Variants in ZNF710 observed in about 807,000 individuals in gnomAD.
ZNF710 encodes the protein zinc finger protein 710.
In ZNF710, 13 loss-of-function variants were observed where a neutral mutation model predicts 50.6. The observed-to-expected ratio is 0.26, with a 90% CI of 0.17 to 0.41. ZNF710 has a LOEUF of 0.41. Among genes scored for constraint, ZNF710 ranks in the 10% least tolerant of loss-of-function variants. ZNF710 has a pLI of 1.00. For missense variants in ZNF710, 721 were observed against 936.6 expected, an observed-to-expected ratio of 0.77 and a Z score of 3.01; for synonymous variants, 383 against 397.0, an observed-to-expected ratio of 0.96 and a Z score of 0.42.
chr15:90,030,819 A>C (rs867564959), intron 1 of ZNF710, among the ~76,000 whole-genome samples: 3 of 152,070 alleles, frequency 2.0e-5, no homozygotes, highest in Non-Finnish European at 4.4e-5. Flanking sequence ...GATCAAGACC[A>C]TCCTGGCTAA....
chr15:90,009,735 C>G (rs1475618346), intron 1 of ZNF710, among the ~76,000 whole-genome samples: 1 of 152,024 alleles, frequency 6.6e-6, no homozygotes, highest in Admixed American at 6.6e-5. Flanking sequence ...TTCTCTTTAC[C>G]CTAGGATTTC....
chr15:90,001,966 T>TGAGAGAGAGAGA (rs745830369), intron 1 of ZNF710, among the ~76,000 whole-genome samples: 23 of 96,842 alleles, frequency 2.4e-4, no homozygotes, highest in African/African-American at 9.3e-4. Flanking sequence ...AGCGCGCGAA[T>TGAGAGAGAGAGA]GAGAGAGAGA....
intron 1 of ZNF710, among the ~76,000 whole-genome samples, chr15:90,050,690 C>T (rs1899612284): frequency 6.6e-6 from 1 of 152,110 alleles, no homozygotes; most frequent in Non-Finnish European, 1.5e-5. Context: ...GCAGTCTGAC[C>T]CTGCGGCCCA....
chr15:90,031,596 G>T (rs927791801), intron 1 of ZNF710, among the ~76,000 whole-genome samples: 1 of 152,184 alleles, frequency 6.6e-6, no homozygotes, highest in Non-Finnish European at 1.5e-5. Context: ...GGAGAAACCC[G>T]GTTGGTTTTG....
chr15:90,080,140 C>G lies in ZNF710; in HGVS notation c.*311C>G. 3.7e-6 allele frequency: 1 copy of G among 269,108 alleles called. No individual in the cohort carries two copies. Among genetic ancestry groups the G allele is most frequent in the Non-Finnish European group, 6.9e-6 (1 of 144,446 alleles). 16.7% of individuals were successfully genotyped at this position (269,108 alleles called of 1,614,324 possible). On this transcript the variant is annotated 3_prime_UTR_variant, in exon 5 of 5. Coordinates refer to ENST00000268154, the MANE Select transcript of ZNF710 (RefSeq NM_198526.4). ...AAGTGGGGCCACTGGGGACAGGTCA[C>G]AAGGGCACCGGCCCTCGGGGTCTCT...
rs186140932 is a variant in ZNF710, at chr15:90,020,133, C to T, written c.-29+18519C>T. On this transcript the variant is annotated intron_variant, in intron 1 of 4. Transcript: ENST00000268154. Reference sequence around the variant, plus strand: ...GGAATTACTGAGGAAGTAGCATTTACGTGGTCTAAATCGGACCTTCCTGTT... The same window carrying T: ...GGAATTACTGAGGAAGTAGCATTTATGTGGTCTAAATCGGACCTTCCTGTT... Among the ~76,000 whole-genome samples, 249 of 152,304 alleles carry T rather than the reference C, an allele frequency of 1.6e-3. 2 individuals carry two copies. The highest frequency in any genetic ancestry group is 0.014 in the Admixed American group (216 of 15,302).
In ZNF710 at chr15:90,059,961, T is replaced by C. The variant is rs930377028; in HGVS notation, c.-28-7149T>C. On this transcript the variant is annotated intron_variant, in intron 1 of 4. Coordinates refer to ENST00000268154, the MANE Select transcript of ZNF710 (RefSeq NM_198526.4). The surrounding 1 kb of genome is among the most constrained non-coding windows in gnomAD (Gnocchi z 4.1). The stretch of plus-strand genomic sequence containing the variant: ...CCTCTCCAGCCCCAGGGCCCTGGAC[T>C]CCAAGGGGCAAAAGGCCCAGAGCCA... Among the ~76,000 whole-genome samples the C allele has an allele frequency of 3.3e-5, 5 of 152,136 alleles. No individual in the cohort carries two copies. The highest frequency in any genetic ancestry group is 1.2e-4 in the African/African-American group (5 of 41,436).
intron 1 of ZNF710, among the ~76,000 whole-genome samples, chr15:90,047,413 A>C (rs1037402046): frequency 2.6e-5 from 4 of 152,188 alleles, no homozygotes; most frequent in African/African-American, 9.7e-5. Context: ...GGGAAGTAGC[A>C]GAGGATGCAA....
rs115537733 is a variant in ZNF710, at chr15:90,047,305, G to A, written c.-28-19805G>A. On this transcript the variant is annotated intron_variant, in intron 1 of 4. Transcript: ENST00000268154. ...AATAATAGCAGCAAACACCACAAGC[G>A]TGCCAGGTTCTGCTTTCAGCACTTT... Among the ~76,000 whole-genome samples the A allele has an allele frequency of 6.6e-3, 1,000 of 152,328 alleles. 18 individuals carry two copies. Among genetic ancestry groups the A allele is most frequent in the African/African-American group, 0.021 (860 of 41,556 alleles).
chr15:90,036,111 C>T (rs538860312), intron 1 of ZNF710, among the ~76,000 whole-genome samples: 3 of 152,284 alleles, frequency 2.0e-5, no homozygotes, highest in East Asian at 1.9e-4. Context: ...CACTTCGAAG[C>T]GCAAGCACTT....
At chr15:90,061,209 C>T (rs1467632238) in intron 1 of ZNF710, among the ~76,000 whole-genome samples, 1 of 151,646 alleles carries the variant, frequency 6.6e-6, no homozygotes, top group African/African-American at 2.4e-5. Flanking sequence ...TCACGCCTGT[C>T]ACCCAGGCTA....
intron 1 of ZNF710, among the ~76,000 whole-genome samples, chr15:90,053,787 T>C (rs1210587706): frequency 1.3e-5 from 2 of 152,136 alleles, no homozygotes; most frequent in African/African-American, 4.8e-5. Flanking sequence ...CTCTCTGGGA[T>C]GCCTCCTCCC....
chr15:90,031,042 T>A lies in ZNF710; in HGVS notation c.-29+29428T>A, dbSNP rs67125153. On this transcript the variant is annotated intron_variant, in intron 1 of 4. Transcript: ENST00000268154. ...TCAAAAAAAAAGAAAAAAAAAAAAA[T>A]GCTTAATGGATTGTTTGGTAACAAA... 1.4e-3 allele frequency among the ~76,000 whole-genome samples: 173 copies of A among 121,752 alleles called. 31 individuals are homozygous for A. Among genetic ancestry groups the A allele is most frequent in the Middle Eastern group, 4.2e-3 (1 of 238 alleles). 79.9% of individuals were successfully genotyped at this position (121,752 alleles called of 152,430 possible). A position where few individuals can be genotyped will look rare whatever the true frequency, so the allele number is the denominator to read the frequency against.
intron 2 of ZNF710, among the ~76,000 whole-genome samples, chr15:90,069,839 C>T (rs1900313907): frequency 2.0e-5 from 3 of 152,142 alleles, no homozygotes; most frequent in Admixed American, 6.5e-5. Flanking sequence ...CGCCTTCAGC[C>T]ACCAGCCTCC....
At chr15:89,999,516 T>C (rs187278927), upstream of ZNF710, among the ~76,000 whole-genome samples, 78 of 152,252 alleles carry the variant, frequency 5.1e-4, no homozygotes, top group Non-Finnish European at 9.7e-4. Context: ...CCTGGGGTCA[T>C]TGGGGGCTCA....
At chr15:90,002,700 T>G (rs1330849423) in intron 1 of ZNF710, 1 of 152,302 alleles carries the variant, frequency 6.6e-6, no homozygotes, top group African/African-American at 2.4e-5. Context: ...CAACTTGCCT[T>G]TTAAGATGAC....
At chr15:90,014,473 T>G (rs1198243791) in intron 1 of ZNF710, among the ~76,000 whole-genome samples, 2 of 151,114 alleles carry the variant, frequency 1.3e-5, no homozygotes, top group South Asian at 2.1e-4. Context: ...ACCCGGGAGT[T>G]TGAATCCAGT....
At chr15:90,032,926 G>A (rs900295910) in intron 1 of ZNF710, among the ~76,000 whole-genome samples, 4 of 152,088 alleles carry the variant, frequency 2.6e-5, no homozygotes, top group Non-Finnish European at 4.4e-5. Flanking sequence ...AAAAAAAAGT[G>A]TGTGTTTGAA....
At chr15:90,025,591 A>G (rs1898752622) in intron 1 of ZNF710, 2 of 152,214 alleles carry the variant, frequency 1.3e-5, no homozygotes, top group South Asian at 4.1e-4. Flanking sequence ...TGAACTTTAT[A>G]TCATTTTTCT....
Sources: gnomAD v4.1 joint callset for allele counts (sites outside exome capture counted in the v4.1 genomes callset) on GRCh38, gnomAD v4.1.1 for gene constraint, Gnocchi (gnomAD v3.1) non-coding constraint, MANE v1.5 for transcripts, NCBI Gene and HGNC (gene_info 2026-07-23, HGNC 2026-07-21) for gene names.